STK39: variants seen among roughly 807,000 people sequenced by gnomAD.
STK39 encodes serine/threonine kinase 39.
A neutral mutation model predicts 77.8 loss-of-function variants in STK39; 20 were observed. The observed-to-expected ratio is 0.26, with a 90% CI of 0.18 to 0.37. The LOEUF (loss-of-function observed/expected upper bound fraction) is 0.37. Ranked by LOEUF, STK39 falls within the 10% of genes least tolerant of loss-of-function variation. The pLI, the probability that STK39 is intolerant of heterozygous loss-of-function variation, is 1.00. For synonymous variants in STK39, 246 were observed against 234.1 expected, an observed-to-expected ratio of 1.05 and a Z score of -0.47; for missense variants, 479 against 656.5, an observed-to-expected ratio of 0.73 and a Z score of 2.95.
intron 1 of STK39, among the ~76,000 whole-genome samples, chr2:168,218,428 C>G (rs1690077865): frequency 6.6e-6 from 1 of 152,166 alleles, no homozygotes; most frequent in Admixed American, 6.5e-5. Context: ...AAATAGTGAC[C>G]GTAGGGCACA....
intron 6 of STK39, 77 bp downstream of exon 6, chr2:168,140,572 A>G (rs1225418151): frequency 1.3e-4 from 164 of 1,292,358 alleles, no homozygotes; most frequent in Non-Finnish European, 1.8e-4. Flanking sequence ...TGCTAGATAC[A>G]AATGAAATGT....
At chr2:168,067,221 CA>C (rs966004129) in intron 12 of STK39, among the ~76,000 whole-genome samples, 3 of 150,928 alleles carry the variant, frequency 2.0e-5, no homozygotes, top group Non-Finnish European at 3.0e-5. Context: ...GACTCTGTCT[CA>C]AAAAAAAGAA....
intron 8 of STK39, among the ~76,000 whole-genome samples, chr2:168,134,648 C>T (rs1057034564): frequency 3.9e-5 from 6 of 152,066 alleles, no homozygotes; most frequent in African/African-American, 2.4e-5. Context: ...TCTCTGTCTA[C>T]GTCAATGCAG....
intron 10 of STK39, among the ~76,000 whole-genome samples, chr2:168,122,719 GA>G (rs1391603997): frequency 6.6e-6 from 1 of 151,992 alleles, no homozygotes; most frequent in East Asian, 1.9e-4. Context: ...TTACAAGTGT[GA>G]GCCACCACAC....
intron 10 of STK39, among the ~76,000 whole-genome samples, chr2:168,086,426 T>C (rs1686369222): frequency 6.6e-6 from 1 of 152,242 alleles, no homozygotes; most frequent in Admixed American, 6.5e-5. Context: ...GAGCTAAATA[T>C]TGGACCTTTT....
At chr2:168,156,192 G>T (rs916671186) in intron 5 of STK39, among the ~76,000 whole-genome samples, 12 of 152,138 alleles carry the variant, frequency 7.9e-5, no homozygotes, top group African/African-American at 2.7e-4. Flanking sequence ...CTCAAGGAAA[G>T]AATTCTTCAT....
intron 10 of STK39, among the ~76,000 whole-genome samples, chr2:168,107,891 G>A (rs183167487): frequency 1.1e-4 from 17 of 152,182 alleles, no homozygotes; most frequent in East Asian, 7.7e-4. Context: ...CACTTTATAC[G>A]GACACCTGCT....
chr2:168,133,552 T>C (rs1028793447), intron 8 of STK39, among the ~76,000 whole-genome samples: 1 of 151,916 alleles, frequency 6.6e-6, no homozygotes, highest in African/African-American at 2.4e-5. Context: ...AATGAAAGAA[T>C]GGAACTGGAA....
In STK39 at chr2:168,161,852, A is replaced by G. The variant is rs1256498445; in HGVS notation, c.573-10T>C. 7 of 1,603,218 alleles carry G rather than the reference A, an allele frequency of 4.4e-6. No homozygotes were observed. The highest frequency in any genetic ancestry group is 1.1e-5 in the South Asian group (1 of 90,026). Reference sequence around the variant, plus strand: ...ACCAGCTTTCAAATCCCTATTAGAAAAAAAAATAGAAAATAAATTGTAGGG... The same window carrying G: ...ACCAGCTTTCAAATCCCTATTAGAAGAAAAAATAGAAAATAAATTGTAGGG... On this transcript the variant is annotated splice_polypyrimidine_tract_variant and intron_variant, in intron 4 of 17. Transcript: ENST00000355999.
At chr2:167,965,466 A>G (rs1184428499) in intron 16 of STK39, among the ~76,000 whole-genome samples, 1 of 152,204 alleles carries the variant, frequency 6.6e-6, no homozygotes, top group Non-Finnish European at 1.5e-5. Context: ...GTAATGATCT[A>G]TCTGATACTC....
intron 16 of STK39, among the ~76,000 whole-genome samples, chr2:167,986,314 A>G (rs1683556320): frequency 6.6e-6 from 1 of 152,186 alleles, no homozygotes; most frequent in Non-Finnish European, 1.5e-5. Flanking sequence ...ACTAGAGGGG[A>G]ATTAAATCAT....
At chr2:168,236,108 C>A (rs1414483850) in intron 1 of STK39, among the ~76,000 whole-genome samples, 1 of 152,008 alleles carries the variant, frequency 6.6e-6, no homozygotes, top group African/African-American at 2.4e-5. Context: ...ACATCCTCTC[C>A]AGCACCTGTT....
At chr2:168,143,703 A>T (rs1251229159) in intron 5 of STK39, among the ~76,000 whole-genome samples, 1 of 143,714 alleles carries the variant, frequency 7.0e-6, no homozygotes, top group Admixed American at 6.8e-5. Context: ...AGAGAGCAAG[A>T]CTTTGTCTCA....
chr2:168,094,484 A>G (rs901163125), intron 10 of STK39, among the ~76,000 whole-genome samples: 1 of 152,016 alleles, frequency 6.6e-6, no homozygotes, highest in Non-Finnish European at 1.5e-5. Context: ...ACCCACTTGC[A>G]CTTCTTCATC....
At chr2:167,956,694 A>ACACACACACACACACACACTCT (rs1691782956) in intron 17 of STK39, among the ~76,000 whole-genome samples, 1 of 41,716 alleles carries the variant, frequency 2.4e-5, no homozygotes, top group African/African-American at 1.4e-4. Context: ...ACACACACAC[A>ACACACACACACACACACACTCT]CACTCTCTCT....
intron 16 of STK39, among the ~76,000 whole-genome samples, chr2:167,995,204 G>A (rs1289006584): frequency 6.6e-6 from 1 of 151,854 alleles, no homozygotes; most frequent in African/African-American, 2.4e-5. Flanking sequence ...CTGCCTCCCG[G>A]GTTCAAGCGA....
At chr2:168,080,350 C>G (rs1302114487) in intron 10 of STK39, among the ~76,000 whole-genome samples, 1 of 152,160 alleles carries the variant, frequency 6.6e-6, no homozygotes, top group Non-Finnish European at 1.5e-5. Context: ...AAAATCCCAG[C>G]CTGGCACAGT....
At chr2:168,177,717 G>A (rs1375886809) in intron 2 of STK39, among the ~76,000 whole-genome samples, 1 of 152,146 alleles carries the variant, frequency 6.6e-6, no homozygotes, top group Non-Finnish European at 1.5e-5. Context: ...CTTTGAGGTT[G>A]ATCACAAACC....
At chr2:167,988,207 T>C (rs1045154204) in intron 16 of STK39, among the ~76,000 whole-genome samples, 6 of 152,206 alleles carry the variant, frequency 3.9e-5, no homozygotes, top group Non-Finnish European at 8.8e-5. Flanking sequence ...GAGGCACTGC[T>C]GGTGCCCCTT....
Sources: gnomAD v4.1 joint callset for allele counts (sites outside exome capture counted in the v4.1 genomes callset) on GRCh38, gnomAD v4.1.1 for gene constraint, MANE v1.5 for transcripts, NCBI Gene and HGNC (gene_info 2026-07-23, HGNC 2026-07-21) for gene names.